BTD: variants seen among roughly 807,000 people sequenced by gnomAD.
BTD encodes biocytinase.
Under a neutral mutation model 17.7 loss-of-function variants are expected in BTD, and 13 were observed. The ratio of observed to expected loss-of-function variants is 0.74; its 90% CI spans 0.48 to 1.17. The LOEUF (loss-of-function observed/expected upper bound fraction) is 1.17. Ranked by LOEUF, BTD falls within the 50% of genes most tolerant of loss-of-function variation. BTD has a pLI of 0.00. For missense variants in BTD, 674 were observed against 650.4 expected (o/e 1.04, Z -0.39); for synonymous variants, 240 against 245.2 (o/e 0.98, Z 0.20).
chr3:15,641,830 T>C (rs2065517610), intron 2 of BTD, 78 bp from the exon 3 acceptor site: 1 of 1,134,036 alleles, frequency 8.8e-7, no homozygotes, highest in Non-Finnish European at 1.3e-6. Flanking sequence ...GCCAAAAGAA[T>C]GAACAGAAGA....
At chr3:15,687,210 T>C (rs1248121224) in intron 3 of BTD, among the ~76,000 whole-genome samples, 1 of 152,090 alleles carries the variant, frequency 6.6e-6, no homozygotes, top group African/African-American at 2.4e-5. Context: ...CCCAAAGTGC[T>C]GGGATTACAG....
chr3:15,706,221 C>T (rs778335041), intron 3 of BTD, among the ~76,000 whole-genome samples: 2 of 152,070 alleles, frequency 1.3e-5, no homozygotes, highest in African/African-American at 4.8e-5. Flanking sequence ...GGTATACCTC[C>T]TAATGCTATC....
Position 15,601,804 on chromosome 3 carries a change from GTC to G in BTD, c.-104_-103del. Reference sequence around the variant, plus strand: ...CCGAACTCTGAGGCCTCTCGCCATTGTCTCCGAGTCGGCCAGCTGGAGCGTTT... The same window carrying G: ...CCGAACTCTGAGGCCTCTCGCCATTGTCCGAGTCGGCCAGCTGGAGCGTTT... On this transcript the variant is annotated 5_prime_UTR_variant, in exon 1 of 4. Coordinates refer to ENST00000643237, the MANE Select transcript of BTD (RefSeq NM_001370658.1). The G allele has an allele frequency of 6.2e-7, 1 of 1,614,116 alleles. No homozygotes were observed. The highest frequency in any genetic ancestry group is 8.5e-7 in the Non-Finnish European group (1 of 1,180,012).
chr3:15,693,233 TAAG>T (rs935384256), intron 3 of BTD, among the ~76,000 whole-genome samples: 2 of 152,136 alleles, frequency 1.3e-5, no homozygotes, highest in Non-Finnish European at 2.9e-5. Flanking sequence ...TAGAAATGGT[TAAG>T]AAGGTACGTT....
rs2065771040 is a variant in BTD, at chr3:15,649,715, C to T, written c.*4227C>T. ...CGTCTTCTGATGAACACTCATCCAT[C>T]CTTCAAGGTCTACTCTCTCATCACA... On this transcript the variant is annotated 3_prime_UTR_variant, in exon 4 of 4. Transcript: ENST00000643237. Among the ~76,000 whole-genome samples the T allele has an allele frequency of 6.6e-6, 1 of 152,208 alleles. No homozygotes were observed. Among genetic ancestry groups the T allele is most frequent in the Admixed American group, 6.5e-5 (1 of 15,288 alleles).
chr3:15,694,882 A>C (rs1478357223), intron 3 of BTD: 6 of 1,384,854 alleles, frequency 4.3e-6, no homozygotes, highest in Non-Finnish European at 6.2e-6. Context: ...CCACCCACCC[A>C]GTTCAAATCC....
intron 1 of BTD, among the ~76,000 whole-genome samples, chr3:15,630,528 T>A (rs189868507): frequency 6.6e-6 from 1 of 152,240 alleles, no homozygotes; most frequent in Non-Finnish European, 1.5e-5. Context: ...AAGAAAGATA[T>A]AACGTGTTTC....
intron 1 of BTD, among the ~76,000 whole-genome samples, chr3:15,613,915 A>G (rs1333646243): frequency 6.6e-6 from 1 of 151,958 alleles, no homozygotes. Context: ...TTTGAAGGCA[A>G]TCTCTCTTCC....
chr3:15,626,085 C>T (rs1308830624), intron 1 of BTD, among the ~76,000 whole-genome samples: 1 of 152,120 alleles, frequency 6.6e-6, no homozygotes, highest in Non-Finnish European at 1.5e-5. Flanking sequence ...CTAATTTATG[C>T]TAGCTTTTCT....
At chr3:15,695,821 A>C (rs1396442070) in intron 3 of BTD, among the ~76,000 whole-genome samples, 3 of 152,150 alleles carry the variant, frequency 2.0e-5, no homozygotes, top group Non-Finnish European at 4.4e-5. Flanking sequence ...TATTTCTCAC[A>C]AAAGACACAG....
rs1257182497 is a variant in BTD at position 15,680,146 on chromosome 3, G to A, written c.400-29914G>A. On this transcript the variant is annotated intron_variant, in intron 3 of 3. Coordinates refer to the BTD transcript ENST00000672141. ...TAATGGCAATGGGATGTTTAATTCC[G>A]CAACTTGCCTTTTACTTAATATTAA... Among the ~76,000 whole-genome samples the A allele has an allele frequency of 7.2e-5, 11 of 151,924 alleles. No individual in the cohort carries two copies. The East Asian group carries it at 1.9e-3, about 27-fold the overall frequency.
At chr3:15,685,567 A>T in intron 3 of BTD, 1 of 855,320 alleles carries the variant, frequency 1.2e-6, no homozygotes, top group Non-Finnish European at 1.8e-6. Context: ...AAAGCCATTT[A>T]TCATTTTATG....
chr3:15,687,087 C>T (rs759150399), intron 3 of BTD, among the ~76,000 whole-genome samples: 11 of 151,848 alleles, frequency 7.2e-5, no homozygotes, highest in Non-Finnish European at 1.5e-4. Context: ...GGATTACAGG[C>T]GCCTGCCACC....
At chr3:15,681,134 T>C (rs1361490071) in intron 3 of BTD, among the ~76,000 whole-genome samples, 7 of 152,210 alleles carry the variant, frequency 4.6e-5, no homozygotes, top group Non-Finnish European at 1.5e-5. Flanking sequence ...TTGTACAAAA[T>C]GGTTTATTTG....
At chr3:15,642,291 C>G (rs2065532851) in intron 3 of BTD, 1 of 1,408,730 alleles carries the variant, frequency 7.1e-7, no homozygotes, top group Non-Finnish European at 9.3e-7. Flanking sequence ...ACAATAAATA[C>G]AGGAATGTAT....
At chr3:15,689,924 T>C (rs544369578) in intron 3 of BTD, 4 of 1,230,426 alleles carry the variant, frequency 3.3e-6, no homozygotes, top group Non-Finnish European at 4.4e-6. Flanking sequence ...AGGTCAAAAT[T>C]TTAAAGACAA....
At chr3:15,610,252 A>G (rs2064577254) in intron 1 of BTD, among the ~76,000 whole-genome samples, 1 of 152,230 alleles carries the variant, frequency 6.6e-6, no homozygotes. Context: ...GCATATTGCC[A>G]GTGAGCCACA....
At chr3:15,693,851 T>C (rs1401298990) in intron 3 of BTD, among the ~76,000 whole-genome samples, 2 of 152,140 alleles carry the variant, frequency 1.3e-5, no homozygotes, top group African/African-American at 4.8e-5. Context: ...ATTTAATGTA[T>C]ATATGTCAGT....
intron 1 of BTD, among the ~76,000 whole-genome samples, chr3:15,611,179 A>G (rs1397419887): frequency 6.6e-6 from 1 of 152,220 alleles, no homozygotes; most frequent in Non-Finnish European, 1.5e-5. Context: ...TCACGCGTCC[A>G]CACATGGGCC....
Sources: allele counts gnomAD v4.1 joint callset (sites outside exome capture counted in the v4.1 genomes callset), GRCh38; gene constraint gnomAD v4.1.1; transcripts MANE v1.5; gene names NCBI Gene and HGNC (gene_info 2026-07-23, HGNC 2026-07-21).